AUH: variants seen among roughly 807,000 people sequenced by gnomAD.
AUH encodes the protein methylglutaconyl-CoA hydratase, mitochondrial.
In AUH, 29 loss-of-function variants were observed where a neutral mutation model predicts 42.3. The ratio of observed to expected loss-of-function variants is 0.69; its 90% CI spans 0.51 to 0.93. The LOEUF is 0.93. Ranked by LOEUF, AUH falls within the 40% of genes least tolerant of loss-of-function variation. The pLI is 0.00. For missense variants in AUH, 452 were observed against 438.1 expected (o/e 1.03, Z -0.28); for synonymous variants, 174 against 166.4 (o/e 1.05, Z -0.35).
chr9:91,223,469 C>T (rs1215432734), intron 6 of AUH, among the ~76,000 whole-genome samples: 1 of 152,108 alleles, frequency 6.6e-6, no homozygotes, highest in East Asian at 1.9e-4. Flanking sequence ...ATCCATTCAC[C>T]CCTGGAAGGA....
chr9:91,300,817 C>A (rs1293466892), intron 4 of AUH, among the ~76,000 whole-genome samples: 1 of 152,198 alleles, frequency 6.6e-6, no homozygotes, highest in East Asian at 1.9e-4. Context: ...TATCTGTATA[C>A]AAGGTGCAGC....
Position 91,298,057 on chromosome 9 carries a change from T to C in AUH, c.525A>G (p.Thr175=). The part of the protein sequence containing the change: ...INDIANLPVP[T]IAAIDGLALG... ...AAGCGAGTCCATCTATTGCTGCAAT[T>C]GTTGGTACTGGAAGATTAGCTGAAA... The change falls in exon 5 of 10, where the codon ACA becomes ACG. Residue 175 remains threonine (T), a synonymous_variant. Coordinates refer to ENST00000375731, the MANE Select transcript of AUH (RefSeq NM_001698.3). The C allele has an allele frequency of 6.2e-7, 1 of 1,613,888 alleles. No individual in the cohort carries two copies. Among genetic ancestry groups the C allele is most frequent in the East Asian group, 2.2e-5 (1 of 44,856 alleles).
intron 8 of AUH, 35 bp downstream of exon 8, chr9:91,217,242 A>G: frequency 6.3e-7 from 1 of 1,596,448 alleles, no homozygotes; most frequent in Non-Finnish European, 8.6e-7. Flanking sequence ...TCCACTCTCC[A>G]TTCCCAAAAC....
chr9:91,305,845 T>G (rs1402839142), intron 4 of AUH, among the ~76,000 whole-genome samples: 1 of 152,162 alleles, frequency 6.6e-6, no homozygotes, highest in Non-Finnish European at 1.5e-5. Context: ...GGTTTTGCTC[T>G]TAACCATTAC....
At position 91,213,824 on chromosome 9, in the gene AUH, T is replaced by C. The variant is rs569516852; in HGVS notation, c.*524A>G. 6.5e-6 allele frequency: 1 copy of C among 153,936 alleles called. No homozygotes were observed. Among genetic ancestry groups the C allele is most frequent in the Non-Finnish European group, 1.4e-5 (1 of 69,006 alleles). The allele number at this position is 153,936 out of a possible 1,614,324, so 9.5% of individuals were successfully genotyped here. The stretch of plus-strand genomic sequence containing the variant: ...TGGGGTAAGAGAAAAATTCCCATGT[T>C]TTCTTTTCACTAATTTTATTTATAT... On this transcript the variant is annotated 3_prime_UTR_variant, in exon 10 of 10. Transcript: ENST00000375731.
intron 4 of AUH, among the ~76,000 whole-genome samples, chr9:91,315,661 C>T (rs75768282): frequency 0.014 from 2,056 of 152,174 alleles, 53 homozygotes; most frequent in African/African-American, 0.047. Context: ...ATAGATGAAT[C>T]TTCTAAAAAT....
chr9:91,284,305 A>C (rs1826222407), intron 6 of AUH, among the ~76,000 whole-genome samples: 1 of 152,202 alleles, frequency 6.6e-6, no homozygotes, highest in African/African-American at 2.4e-5. Context: ...CTTATACAAA[A>C]ATTAATTCAA....
In AUH at chr9:91,312,469, T is replaced by C. The variant is rs149019857; in HGVS notation, c.505+12849A>G. Among the ~76,000 whole-genome samples the C allele has an allele frequency of 2.5e-4, 38 of 152,352 alleles. No homozygotes were observed. The East Asian group carries it at 7.1e-3, about 29-fold the overall frequency. ...TAGGCTGGGAGTCATGGCTCATGCC[T>C]GTAATCCCAGCACTTTAGGAGGCCA... is the stretch of plus-strand genomic sequence containing the variant. On this transcript the variant is annotated intron_variant, in intron 4 of 9. Coordinates refer to ENST00000375731, the MANE Select transcript of AUH (RefSeq NM_001698.3).
chr9:91,352,706 A>T (rs945672457), intron 3 of AUH, among the ~76,000 whole-genome samples: 2 of 152,224 alleles, frequency 1.3e-5, no homozygotes, highest in African/African-American at 4.8e-5. Context: ...CTATCAGTAA[A>T]TAGGAGAGTG....
At chr9:91,241,415 T>C (rs370121640) in intron 6 of AUH, among the ~76,000 whole-genome samples, 1 of 152,144 alleles carries the variant, frequency 6.6e-6, no homozygotes, top group East Asian at 1.9e-4. Context: ...TATAAGTATA[T>C]GTGATTGATT....
At chr9:91,227,858 T>C (rs1827609947) in intron 6 of AUH, among the ~76,000 whole-genome samples, 1 of 151,864 alleles carries the variant, frequency 6.6e-6, no homozygotes, top group Admixed American at 6.6e-5. Context: ...ATTACATTTA[T>C]TGATTTGCGT....
intron 4 of AUH, 117 bp from the exon 5 acceptor site, chr9:91,298,193 T>G: frequency 2.6e-6 from 2 of 755,864 alleles, no homozygotes. Context: ...ATACAGACTT[T>G]TGTATCCCTT....
chr9:91,225,152 G>A lies in AUH; in HGVS notation c.656-4160C>T, dbSNP rs185078541. On this transcript the variant is annotated intron_variant, in intron 6 of 9. Coordinates refer to ENST00000375731, the MANE Select transcript of AUH (RefSeq NM_001698.3). ...AAACTCAGTATTCTTGCTGGTTAAG[G>A]AAGTCAAATAGTGCAGAAAAACATC... 4.5e-3 allele frequency among the ~76,000 whole-genome samples: 682 copies of A among 152,260 alleles called. 2 individuals carry two copies. Among genetic ancestry groups the A allele is most frequent in the Non-Finnish European group, 8.0e-3 (547 of 68,008 alleles).
At chr9:91,351,321 C>T (rs140441193) in intron 3 of AUH, among the ~76,000 whole-genome samples, 96 of 152,282 alleles carry the variant, frequency 6.3e-4, no homozygotes, top group African/African-American at 2.2e-3. Flanking sequence ...ATGGCCATAA[C>T]ATTTTATATA....
intron 4 of AUH, among the ~76,000 whole-genome samples, chr9:91,303,319 T>C (rs1390429715): frequency 6.6e-6 from 1 of 152,218 alleles, no homozygotes; most frequent in Non-Finnish European, 1.5e-5. Flanking sequence ...AGGAAAATGT[T>C]AGTGTCAGAC....
At chr9:91,257,951 T>C (rs1403126570) in intron 6 of AUH, among the ~76,000 whole-genome samples, 1 of 152,246 alleles carries the variant, frequency 6.6e-6, no homozygotes, top group Non-Finnish European at 1.5e-5. Context: ...TTGGTAGTTT[T>C]GAGTCTACAG....
intron 4 of AUH, among the ~76,000 whole-genome samples, chr9:91,315,492 G>A (rs1829087614): frequency 6.6e-6 from 1 of 152,146 alleles, no homozygotes; most frequent in African/African-American, 2.4e-5. Context: ...CTGGCCAGAG[G>A]CTGTGCTTCC....
intron 3 of AUH, among the ~76,000 whole-genome samples, chr9:91,348,278 T>G (rs961172242): frequency 2.0e-5 from 3 of 152,218 alleles, no homozygotes; most frequent in Non-Finnish European, 4.4e-5. Context: ...TTGGTAAGCA[T>G]GTGGAACGCC....
intron 6 of AUH, among the ~76,000 whole-genome samples, chr9:91,239,943 A>G (rs1828412475): frequency 6.6e-6 from 1 of 152,232 alleles, no homozygotes; most frequent in Admixed American, 6.5e-5. Context: ...TCCAGAGCAA[A>G]TTAAGCAAAC....
Sources: gnomAD v4.1 joint callset for allele counts (sites outside exome capture counted in the v4.1 genomes callset) on GRCh38, gnomAD v4.1.1 for gene constraint, MANE v1.5 for transcripts, NCBI Gene and HGNC (gene_info 2026-07-23, HGNC 2026-07-21) for gene names.